LYRM1: variants seen among roughly 807,000 people sequenced by gnomAD.
The protein encoded by LYRM1 is LYR motif-containing protein 1.
LYRM1 carries 14 observed loss-of-function variants against 14.9 expected under a neutral mutation model. The observed-to-expected ratio is 0.94, with a 90% CI of 0.62 to 1.47. The LOEUF is 1.47. Ranked by LOEUF, LYRM1 falls within the 40% of genes most tolerant of loss-of-function variation. The probability of loss-of-function intolerance (pLI) is 0.00; values close to 1 mark genes in which losing one functional copy is unlikely to be tolerated. For missense variants in LYRM1, 153 were observed against 149.9 expected (o/e 1.02, Z -0.11); for synonymous variants, 43 against 56.2 (o/e 0.77, Z 1.05).
intron 1 of LYRM1, among the ~76,000 whole-genome samples, chr16:20,913,087 T>A (rs1388622469): frequency 2.0e-5 from 3 of 149,198 alleles, no homozygotes; most frequent in African/African-American, 7.4e-5. Flanking sequence ...ATAATAATAA[T>A]AATAATAATA....
chr16:20,912,518 G>A (rs1246911720), intron 1 of LYRM1, among the ~76,000 whole-genome samples: 1 of 151,854 alleles, frequency 6.6e-6, no homozygotes, highest in Non-Finnish European at 1.5e-5. Flanking sequence ...TCATCTGCCT[G>A]TCTTGGCTTC....
At chr16:20,910,877 T>C (rs2082559659) in intron 1 of LYRM1, among the ~76,000 whole-genome samples, 1 of 152,244 alleles carries the variant, frequency 6.6e-6, no homozygotes. Context: ...TTCCGTCTGT[T>C]AATGACAGGG....
intron 2 of LYRM1, 130 bp downstream of exon 2, chr16:20,915,844 G>T: frequency 1.0e-6 from 1 of 956,380 alleles, no homozygotes; most frequent in South Asian, 1.8e-5. Flanking sequence ...GGCAGGAAGG[G>T]GCCAGTGCAC....
chr16:20,922,385 G>A (rs1355188968), intron 3 of LYRM1, among the ~76,000 whole-genome samples: 3 of 152,186 alleles, frequency 2.0e-5, no homozygotes, highest in Non-Finnish European at 2.9e-5. Context: ...ATGAAGATAT[G>A]TACATCTAGG....
intron 1 of LYRM1, among the ~76,000 whole-genome samples, chr16:20,911,844 C>A (rs2082609703): frequency 6.6e-6 from 1 of 152,184 alleles, no homozygotes; most frequent in Non-Finnish European, 1.5e-5. Context: ...ATGATCCTTC[C>A]ATCTCAGCCT....
intron 3 of LYRM1, 181 bp downstream of exon 3, chr16:20,920,395 GAATGC>G (rs2083129065): frequency 1.6e-6 from 1 of 618,778 alleles, no homozygotes; most frequent in East Asian, 2.8e-5. Flanking sequence ...AAATGTCAAT[GAATGC>G]ATGACGTATC....
chr16:20,920,127 G>T lies in LYRM1; in HGVS notation c.165G>T (p.Thr55=), dbSNP rs150040902. 2 of 1,609,442 alleles carry T rather than the reference G, an allele frequency of 1.2e-6. No homozygotes were observed. The highest frequency in any genetic ancestry group is 1.7e-6 in the Non-Finnish European group (2 of 1,176,306). ...TTCTTTCTCCCTTTTAATAGCTCAC[G>T]GACACAGACCTAATTAAACAGTGTA... ...RTLFRKNKNL[T]DTDLIKQCID... The change falls in exon 3 of 4, where the codon ACG becomes ACT. Residue 55 remains threonine, a synonymous_variant. Coordinates refer to ENST00000567954, the MANE Select transcript of LYRM1 (RefSeq NM_001128302.3).
At chr16:20,905,295 C>T (rs934443829) in intron 1 of LYRM1, among the ~76,000 whole-genome samples, 1 of 152,208 alleles carries the variant, frequency 6.6e-6, no homozygotes, top group Non-Finnish European at 1.5e-5. Context: ...TCTGCTATTA[C>T]CCCATTGTAC....
intron 1 of LYRM1, 56 bp from the exon 2 acceptor site, chr16:20,915,500 C>T (rs535903074): frequency 6.5e-7 from 1 of 1,527,360 alleles, no homozygotes; most frequent in Admixed American, 1.9e-5. Context: ...CTGGTGCCTC[C>T]TGTCAAGTTG....
rs573843696 is a variant in LYRM1 at position 20,901,476 on chromosome 16, A to C, written c.-1+587A>C. ...CCTCGAAATCGGGTAAGGTCGTTCA[A>C]AGGAGGCCACGGTTTTGCGGGGATC... On this transcript the variant is annotated intron_variant, in intron 1 of 3. Coordinates refer to ENST00000567954, the MANE Select transcript of LYRM1 (RefSeq NM_001128302.3). The surrounding 1 kb of genome is among the most constrained non-coding windows in gnomAD (Gnocchi z 4.6). 6.6e-6 allele frequency among the ~76,000 whole-genome samples: 1 copy of C among 152,306 alleles called. No individual in the cohort carries two copies. The highest frequency in any genetic ancestry group is 6.5e-5 in the Admixed American group (1 of 15,298).
At chr16:20,910,538 G>C (rs566942557) in intron 1 of LYRM1, among the ~76,000 whole-genome samples, 1 of 152,310 alleles carries the variant, frequency 6.6e-6, no homozygotes, top group East Asian at 1.9e-4. Flanking sequence ...ATCAGATTAT[G>C]GTATATGATC....
chr16:20,920,947 CTT>C (rs541264546), intron 3 of LYRM1, among the ~76,000 whole-genome samples: 12 of 116,308 alleles, frequency 1.0e-4, no homozygotes, highest in Non-Finnish European at 2.2e-4. Flanking sequence ...ATTATATAAA[CTT>C]AATACATTCA....
At chr16:20,902,414 CCCAGA>C (rs2152524282) in intron 1 of LYRM1, 1 of 152,250 alleles carries the variant, frequency 6.6e-6, no homozygotes, top group South Asian at 2.1e-4. Context: ...GGGAGGAGCT[CCCAGA>C]TCACCTAAGA....
At chr16:20,911,953 C>T (rs1324530055) in intron 1 of LYRM1, among the ~76,000 whole-genome samples, 1 of 151,842 alleles carries the variant, frequency 6.6e-6, no homozygotes, top group East Asian at 1.9e-4. Flanking sequence ...GATGGGGTCT[C>T]ACTCTGTCAC....
At chr16:20,902,579 G>A (rs765608290) in intron 1 of LYRM1, 1 of 152,158 alleles carries the variant, frequency 6.6e-6, no homozygotes, top group Non-Finnish European at 1.5e-5. Flanking sequence ...CTGGAATAAT[G>A]GGACCCATCC....
At chr16:20,904,693 G>T (rs12930345) in intron 1 of LYRM1, among the ~76,000 whole-genome samples, 299 of 26,742 alleles carry the variant, frequency 0.011, 2 homozygotes, top group African/African-American at 0.021. Context: ...GTCTGTGGTT[G>T]TGTGTGTGTG....
intron 1 of LYRM1, among the ~76,000 whole-genome samples, chr16:20,914,184 G>A (rs1206823768): frequency 6.6e-6 from 1 of 151,826 alleles, no homozygotes; most frequent in Non-Finnish European, 1.5e-5. Flanking sequence ...TTTCCAAAAA[G>A]GTTGTGACAG....
chr16:20,914,971 G>T (rs1229466788), intron 1 of LYRM1, among the ~76,000 whole-genome samples: 1 of 152,200 alleles, frequency 6.6e-6, no homozygotes, highest in Non-Finnish European at 1.5e-5. Context: ...CTGGCTTAAA[G>T]AATAATAAGT....
chr16:20,901,421 G>A lies in LYRM1; in HGVS notation c.-1+532G>A, dbSNP rs973869942. On this transcript the variant is annotated intron_variant, in intron 1 of 3. Coordinates refer to ENST00000567954, the MANE Select transcript of LYRM1 (RefSeq NM_001128302.3). The surrounding 1 kb of genome is among the most constrained non-coding windows in gnomAD (Gnocchi z 4.6). ...AGTGAGAAATGCCCCCCAAAGACCG[G>A]ATGAGGTGACAGAAGATGGGGGGAG... is the stretch of plus-strand genomic sequence containing the variant. 1.3e-5 allele frequency among the ~76,000 whole-genome samples: 2 copies of A among 152,260 alleles called. No homozygotes were observed. Among genetic ancestry groups the A allele is most frequent in the Non-Finnish European group, 2.9e-5 (2 of 68,046 alleles).
Sources: gnomAD v4.1 joint callset for allele counts (sites outside exome capture counted in the v4.1 genomes callset) on GRCh38, gnomAD v4.1.1 for gene constraint, Gnocchi (gnomAD v3.1) non-coding constraint, MANE v1.5 for transcripts, NCBI Gene and HGNC (gene_info 2026-07-23, HGNC 2026-07-21) for gene names.